Variants in ITGA4 observed in about 807,000 individuals in gnomAD.
The protein encoded by ITGA4 is integrin alpha-4.
A neutral mutation model predicts 133.6 loss-of-function variants in ITGA4; 63 were observed. That is an observed-to-expected ratio of 0.47 (90% CI 0.38 to 0.58). ITGA4 has a LOEUF of 0.58. Ranked by LOEUF, ITGA4 falls within the 20% of genes least tolerant of loss-of-function variation. The pLI is 0.00. For synonymous variants in ITGA4, 483 were observed against 438.0 expected (o/e 1.10, Z -1.28); for missense variants, 1,076 against 1,252.7 (o/e 0.86, Z 2.13).
At chr2:181,514,161 A>G (rs895153857) in intron 17 of ITGA4, among the ~76,000 whole-genome samples, 3 of 152,154 alleles carry the variant, frequency 2.0e-5, no homozygotes, top group African/African-American at 7.2e-5. Flanking sequence ...AGGAAGGGAA[A>G]TACAGAGAAC....
chr2:181,459,884 T>C (rs532899978), intron 2 of ITGA4, among the ~76,000 whole-genome samples: 1 of 152,220 alleles, frequency 6.6e-6, no homozygotes, highest in Non-Finnish European at 1.5e-5. Flanking sequence ...GGATGGACAC[T>C]GAATCTATTT....
At chr2:181,489,581 T>C (rs756406261) in intron 10 of ITGA4, among the ~76,000 whole-genome samples, 3 of 152,240 alleles carry the variant, frequency 2.0e-5, no homozygotes, top group East Asian at 1.9e-4. Flanking sequence ...AGTTCTACAA[T>C]TGTAAATTAC....
chr2:181,503,565 C>CTT (rs147081320), intron 15 of ITGA4, among the ~76,000 whole-genome samples: 31 of 101,722 alleles, frequency 3.0e-4, no homozygotes, highest in East Asian at 8.2e-4. Flanking sequence ...AAGAAATTGT[C>CTT]TTTTTTTTTT....
chr2:181,459,229 A>C (rs1370216973), intron 2 of ITGA4: 1 of 152,208 alleles, frequency 6.6e-6, no homozygotes, highest in East Asian at 1.9e-4. Context: ...ATAGGTGGGA[A>C]CTAAAGTCAA....
intron 6 of ITGA4, among the ~76,000 whole-genome samples, chr2:181,480,982 ATG>A (rs1360580969): frequency 6.6e-6 from 1 of 152,190 alleles, no homozygotes; most frequent in Non-Finnish European, 1.5e-5. Flanking sequence ...TTTAAACTGT[ATG>A]TGTGTCAAAT....
intron 2 of ITGA4, among the ~76,000 whole-genome samples, chr2:181,468,484 T>C (rs565403049): frequency 3.1e-4 from 47 of 152,270 alleles, no homozygotes; most frequent in South Asian, 6.2e-4. Flanking sequence ...TATCTTGAGC[T>C]GTGGGAATGC....
intron 17 of ITGA4, among the ~76,000 whole-genome samples, chr2:181,515,017 G>A (rs1428089695): frequency 6.6e-6 from 1 of 152,046 alleles, no homozygotes; most frequent in African/African-American, 2.4e-5. Context: ...CCACCTTTAT[G>A]AGAATCACCT....
intron 16 of ITGA4, among the ~76,000 whole-genome samples, 159 bp from the exon 17 acceptor site, chr2:181,511,540 C>A (rs1686505403): frequency 1.3e-5 from 2 of 151,966 alleles, no homozygotes; most frequent in African/African-American, 4.8e-5. Flanking sequence ...CCTACTAATT[C>A]TCAAATTGAA....
chr2:181,460,566 A>AGT lies in ITGA4; in HGVS notation c.319+2285_319+2286dup, dbSNP rs61016862. 5.1e-3 allele frequency among the ~76,000 whole-genome samples: 759 copies of AGT among 148,052 alleles called. 9 individuals are homozygous for AGT. The highest frequency in any genetic ancestry group is 0.018 in the African/African-American group (732 of 40,310). ...ATATATAAGCCATCTTCTGTAGAAG[A>AGT]GTGTGTGTGTGTGTGTGTGTGTGTG... On this transcript the variant is annotated intron_variant, in intron 2 of 27. Coordinates refer to ENST00000397033, the MANE Select transcript of ITGA4 (RefSeq NM_000885.6).
At chr2:181,475,746 T>C in intron 4 of ITGA4, 1 of 1,529,076 alleles carries the variant, frequency 6.5e-7, no homozygotes, top group Non-Finnish European at 8.8e-7. Flanking sequence ...CTAATTTACA[T>C]GTTTTCCTTC....
chr2:181,487,727 T>C (rs1293617255), intron 10 of ITGA4, among the ~76,000 whole-genome samples: 2 of 152,200 alleles, frequency 1.3e-5, no homozygotes, highest in Non-Finnish European at 2.9e-5. Flanking sequence ...CCATACCAGG[T>C]ACAGAATATG....
Position 181,475,337 on chromosome 2 carries a change from C to T in ITGA4, c.556+49C>T, listed in dbSNP as rs1328678332. 4 of 1,414,946 alleles carry T rather than the reference C, an allele frequency of 2.8e-6. No individual in the cohort carries two copies. In the Admixed American group the frequency reaches 5.5e-5, roughly 20 times the overall value. 87.6% of individuals were successfully genotyped at this position (1,414,946 alleles called of 1,614,324 possible). A position where few individuals can be genotyped will look rare whatever the true frequency, so the allele number is the denominator to read the frequency against. ...TTAGATAAAGATAAGTAAGTGAATA[C>T]CTTTTAGTGTTTTAAATTTATGTTC... On this transcript the variant is annotated intron_variant, in intron 4 of 27. Coordinates refer to ENST00000397033, the MANE Select transcript of ITGA4 (RefSeq NM_000885.6).
intron 4 of ITGA4, among the ~76,000 whole-genome samples, 195 bp from the exon 5 acceptor site, chr2:181,478,562 T>C (rs1033370611): frequency 6.6e-6 from 1 of 152,036 alleles, no homozygotes; most frequent in African/African-American, 2.4e-5. Context: ...GAGGGAGATA[T>C]TTTTATTGCC....
chr2:181,514,899 T>C (rs940912002), intron 17 of ITGA4, among the ~76,000 whole-genome samples: 1 of 152,130 alleles, frequency 6.6e-6, no homozygotes, highest in African/African-American at 2.4e-5. Context: ...ATTTTTAATT[T>C]AGAGTGATAA....
rs1686137115 is a variant in ITGA4 at position 181,495,407 on chromosome 2, T to G, written c.1376T>G (p.Val459Gly). 6.2e-7 allele frequency: 1 copy of G among 1,609,806 alleles called. No individual in the cohort carries two copies. Among genetic ancestry groups the G allele is most frequent in the Non-Finnish European group, 8.5e-7 (1 of 1,176,292 alleles). ...AVGAFRSDSA[V>G]LLRTRPVVIV... is the part of the protein sequence containing the mutation. Reference sequence around the variant, plus strand: ...GGTGCTTTTCGGTCTGATTCTGCTGTCTTGCTAAGGTAAGACTGATATATT... The same window carrying G: ...GGTGCTTTTCGGTCTGATTCTGCTGGCTTGCTAAGGTAAGACTGATATATT... Residue 459 changes from valine to glycine, a missense_variant, in exon 13 of 28, where the codon GTC (valine) becomes GGC (glycine). Physicochemically the swap from Val to Gly is moderately radical, Grantham distance 109. Around this residue, in one of 4 missense-constraint regions of ITGA4, gnomAD observed 436 missense variants for 590.7 expected, o/e 0.74. Coordinates refer to ENST00000397033, the MANE Select transcript of ITGA4 (RefSeq NM_000885.6). This position sits in a 1 kb window ranked among gnomAD's most constrained non-coding sequence, Gnocchi z 4.3.
intron 2 of ITGA4, among the ~76,000 whole-genome samples, chr2:181,472,005 CT>C (rs3835962): frequency 0.099 from 15,108 of 152,142 alleles, 878 homozygotes; most frequent in East Asian, 0.18. Flanking sequence ...TCCCAGAGAG[CT>C]GAGAGGCACT....
chr2:181,533,964 T>C (rs369672968), intron 25 of ITGA4, among the ~76,000 whole-genome samples: 53 of 152,272 alleles, frequency 3.5e-4, no homozygotes, highest in African/African-American at 1.1e-3. Context: ...ATAAGATAGA[T>C]TCAATATGCG....
intron 25 of ITGA4, among the ~76,000 whole-genome samples, chr2:181,533,492 T>C (rs1374415281): frequency 1.3e-5 from 2 of 152,156 alleles, no homozygotes; most frequent in Non-Finnish European, 2.9e-5. Context: ...TTTGGGGGGT[T>C]GTCCTGTGCA....
chr2:181,528,380 A>ATGTTTCT (rs1265353884), intron 22 of ITGA4, among the ~76,000 whole-genome samples: 1 of 152,224 alleles, frequency 6.6e-6, no homozygotes, highest in Non-Finnish European at 1.5e-5. Flanking sequence ...CAGAAACCAA[A>ATGTTTCT]CCGGACTCTA....
Sources: allele counts gnomAD v4.1 joint callset (sites outside exome capture counted in the v4.1 genomes callset), GRCh38; gene constraint gnomAD v4.1.1; regional missense constraint gnomAD v4.1.1; non-coding constraint Gnocchi (gnomAD v3.1); transcripts MANE v1.5; gene names NCBI Gene and HGNC (gene_info 2026-07-23, HGNC 2026-07-21).